ASCC2: variants seen among roughly 807,000 people sequenced by gnomAD.
The protein encoded by ASCC2 is activating signal cointegrator 1 complex subunit 2, also known as ASC-1 complex subunit P100.
ASCC2 carries 42 observed loss-of-function variants against 93.5 expected under a neutral mutation model. The observed-to-expected ratio is 0.45, with a 90% CI of 0.35 to 0.58. The LOEUF (loss-of-function observed/expected upper bound fraction) is 0.58. Among genes scored for constraint, ASCC2 ranks in the 20% least tolerant of loss-of-function variants. The probability of loss-of-function intolerance (pLI) is 0.00; values close to 1 mark genes in which losing one functional copy is unlikely to be tolerated. For missense variants in ASCC2, 859 were observed against 977.6 expected (o/e 0.88, Z 1.62); for synonymous variants, 364 against 384.2 (o/e 0.95, Z 0.62).
In ASCC2 at chr22:29,825,198, G is replaced by A; in HGVS notation, c.300C>T (p.Arg100=). ...CLDSYLRYVP[R]KFDEGVASAP... is the part of the protein sequence containing the mutation. ...CTGAGGCCACCCCCTCGTCGAATTT[G>A]CGGGGGACATAGCGCAGGTAGGAGT... is the stretch of plus-strand genomic sequence containing the variant. The change falls in exon 4 of 20, where the codon CGC becomes CGT. Residue 100 remains arginine, a synonymous_variant. Transcript: ENST00000307790. The surrounding 1 kb of genome is among the most constrained non-coding windows in gnomAD (Gnocchi z 4.9). 1.3e-6 allele frequency: 2 copies of A among 1,562,040 alleles called. No homozygotes were observed. The highest frequency in any genetic ancestry group is 1.7e-6 in the Non-Finnish European group (2 of 1,155,020).
At position 29,822,566 on chromosome 22, in the gene ASCC2, A is replaced by G. The variant is rs2061690873; in HGVS notation, c.412-102T>C. 7.2e-6 allele frequency: 10 copies of G among 1,393,660 alleles called. No homozygotes were observed. In the South Asian group the frequency reaches 1.1e-4, roughly 16 times the overall value. The allele number at this position is 1,393,660 out of a possible 1,614,324, so 86.3% of individuals were successfully genotyped here. A position where few individuals can be genotyped will look rare whatever the true frequency, so the allele number is the denominator to read the frequency against. On this transcript the variant is annotated intron_variant, in intron 4 of 19. Coordinates refer to ENST00000307790, the MANE Select transcript of ASCC2 (RefSeq NM_032204.5). The stretch of plus-strand genomic sequence containing the variant: ...CGATCTTTGGTTCCATCAAATGGGG[A>G]CTGGTTAATGATGCCTTATGCATAG...
rs1015486121 is a variant in ASCC2, at chr22:29,820,274, T to A, written c.541+2061A>T. 2.0e-5 allele frequency among the ~76,000 whole-genome samples: 3 copies of A among 151,994 alleles called. No homozygotes were observed. In the East Asian group the frequency reaches 5.8e-4, roughly 29 times the overall value. On this transcript the variant is annotated intron_variant, in intron 5 of 19. Transcript: ENST00000307790. The stretch of plus-strand genomic sequence containing the variant: ...GCCTCCTGGGTTAACACGATTCTCC[T>A]CCCTCAGCCTCCCGGGTAGCTGGGA...
At chr22:29,793,305 C>G in intron 17 of ASCC2, 55 bp downstream of exon 17, 1 of 1,604,122 alleles carries the variant, frequency 6.2e-7, no homozygotes. Context: ...GTGAGGGAGC[C>G]CCATGGGCCT....
intron 1 of ASCC2, 45 bp from the exon 2 acceptor site, chr22:29,832,387 C>G: frequency 6.8e-7 from 1 of 1,479,344 alleles, no homozygotes; most frequent in Non-Finnish European, 9.4e-7. Flanking sequence ...CACACAGACT[C>G]CTGGGGGCAG....
chr22:29,805,399 G>A (rs746059356), intron 12 of ASCC2, among the ~76,000 whole-genome samples: 4 of 152,034 alleles, frequency 2.6e-5, no homozygotes, highest in Non-Finnish European at 5.9e-5. Context: ...CATCATCCAT[G>A]CTTGGATGCC....
At chr22:29,824,251 TACACACACACACAC>T (rs60849755) in intron 4 of ASCC2, among the ~76,000 whole-genome samples, 10 of 146,570 alleles carry the variant, frequency 6.8e-5, no homozygotes, top group Middle Eastern at 7.1e-3. Flanking sequence ...ATTTTTTAAA[TACACACACACACAC>T]ACACACACAC....
chr22:29,823,380 A>C (rs1403182339), intron 4 of ASCC2, among the ~76,000 whole-genome samples: 1 of 152,256 alleles, frequency 6.6e-6, no homozygotes, highest in African/African-American at 2.4e-5. Flanking sequence ...GCTATAAAAC[A>C]ATCAGTTGGG....
chr22:29,794,665 A>G (rs1219493328), intron 15 of ASCC2, among the ~76,000 whole-genome samples: 1 of 152,210 alleles, frequency 6.6e-6, no homozygotes, highest in African/African-American at 2.4e-5. Context: ...AATGTCCATC[A>G]TGAGTGAAAG....
chr22:29,792,765 A>G (rs1275287731), intron 17 of ASCC2, among the ~76,000 whole-genome samples: 1 of 152,206 alleles, frequency 6.6e-6, no homozygotes, highest in Non-Finnish European at 1.5e-5. Flanking sequence ...GAGAGTCTCC[A>G]GTCCTCTCTT....
chr22:29,837,221 G>A (rs957526608), intron 1 of ASCC2, among the ~76,000 whole-genome samples: 9 of 151,664 alleles, frequency 5.9e-5, no homozygotes, highest in African/African-American at 2.2e-4. Context: ...ACGAGGCCAG[G>A]AGATCGAGAC....
At chr22:29,813,270 G>A (rs909781977) in intron 8 of ASCC2, among the ~76,000 whole-genome samples, 160 bp downstream of exon 8, 1 of 152,170 alleles carries the variant, frequency 6.6e-6, no homozygotes, top group African/African-American at 2.4e-5. Flanking sequence ...CGCCACACAA[G>A]CAGGAGGCTT....
chr22:29,825,032 C>T lies in ASCC2; in HGVS notation c.411+55G>A, dbSNP rs182177605. Reference sequence around the variant, plus strand: ...CCTTCCTTCCCAGGGGTGGAGAGCCCGGCACAGAGGTGTCGAGTATCGGGT... The same window carrying T: ...CCTTCCTTCCCAGGGGTGGAGAGCCTGGCACAGAGGTGTCGAGTATCGGGT... On this transcript the variant is annotated intron_variant, in intron 4 of 19. Transcript: ENST00000307790. The surrounding 1 kb of genome is among the most constrained non-coding windows in gnomAD (Gnocchi z 4.9). The T allele has an allele frequency of 1.6e-5, 21 of 1,332,454 alleles. No individual in the cohort carries two copies. In the East Asian group the frequency reaches 2.8e-4, roughly 17 times the overall value. 82.5% of individuals were successfully genotyped at this position (1,332,454 alleles called of 1,614,324 possible). A position where few individuals can be genotyped will look rare whatever the true frequency, so the allele number is the denominator to read the frequency against.
intron 1 of ASCC2, among the ~76,000 whole-genome samples, chr22:29,836,800 G>A (rs990543250): frequency 1.2e-4 from 18 of 152,118 alleles, no homozygotes; most frequent in South Asian, 4.1e-4. Flanking sequence ...TGATCCGCCC[G>A]CCTTGGCTTC....
intron 17 of ASCC2, among the ~76,000 whole-genome samples, chr22:29,792,979 C>G (rs1365166050): frequency 6.6e-6 from 1 of 152,010 alleles, no homozygotes; most frequent in Non-Finnish European, 1.5e-5. Context: ...AACCCCACCT[C>G]CACAAAAAAT....
intron 18 of ASCC2, among the ~76,000 whole-genome samples, chr22:29,790,904 G>A (rs778175266): frequency 1.2e-4 from 18 of 152,136 alleles, no homozygotes; most frequent in South Asian, 2.1e-4. Context: ...TGAAGACTGC[G>A]GGAGCCACCG....
chr22:29,831,564 G>A (rs1433262332), intron 2 of ASCC2, among the ~76,000 whole-genome samples: 6 of 152,230 alleles, frequency 3.9e-5, no homozygotes, highest in East Asian at 3.9e-4. Flanking sequence ...TGTTTCCCAC[G>A]ACTTTACTCA....
At chr22:29,836,958 T>C (rs1047147407) in intron 1 of ASCC2, among the ~76,000 whole-genome samples, 11 of 152,194 alleles carry the variant, frequency 7.2e-5, no homozygotes, top group African/African-American at 1.2e-4. Flanking sequence ...CTTACAGTCA[T>C]AATGGGGAAA....
intron 9 of ASCC2, 44 bp from the exon 10 acceptor site, chr22:29,806,948 G>A: frequency 6.8e-7 from 1 of 1,470,590 alleles, no homozygotes; most frequent in Non-Finnish European, 9.4e-7. Flanking sequence ...AGACAAAAAG[G>A]CCCTGAGGGG....
chr22:29,803,996 C>G (rs927715685), intron 13 of ASCC2, among the ~76,000 whole-genome samples: 2 of 152,222 alleles, frequency 1.3e-5, no homozygotes, highest in African/African-American at 2.4e-5. Flanking sequence ...CAAGGTTCAA[C>G]GTGAGTGACG....
Sources: gnomAD v4.1 joint callset for allele counts (sites outside exome capture counted in the v4.1 genomes callset) on GRCh38, gnomAD v4.1.1 for gene constraint, Gnocchi (gnomAD v3.1) non-coding constraint, MANE v1.5 for transcripts, NCBI Gene and HGNC (gene_info 2026-07-23, HGNC 2026-07-21) for gene names.